RMDN1: variants seen among roughly 807,000 people sequenced by gnomAD.
RMDN1 encodes regulator of microtubule dynamics protein 1.
A neutral mutation model predicts 48.9 loss-of-function variants in RMDN1; 48 were observed. That is an observed-to-expected ratio of 0.98 (90% CI 0.78 to 1.25). RMDN1 has a LOEUF of 1.25. RMDN1 is among the 50% of genes most tolerant of loss of function. The probability of loss-of-function intolerance (pLI) is 0.00; values close to 1 mark genes in which losing one functional copy is unlikely to be tolerated. For missense variants in RMDN1, 418 were observed against 373.4 expected (o/e 1.12, Z -0.98); for synonymous variants, 148 against 132.6 (o/e 1.12, Z -0.80).
chr8:86,486,389 G>C, intron 4 of RMDN1, 95 bp downstream of exon 4: 1 of 867,906 alleles, frequency 1.2e-6, no homozygotes, highest in Non-Finnish European at 1.6e-6. Context: ...ACTTAAAATA[G>C]AGAAATTGTT....
Position 86,473,874 on chromosome 8 carries a change from C to T in RMDN1, c.*434G>A, listed in dbSNP as rs1812922511. 10 of 990,868 alleles carry T rather than the reference C, an allele frequency of 1.0e-5. No individual in the cohort carries two copies. The highest frequency in any genetic ancestry group is 9.2e-5 in the South Asian group (2 of 21,668). 61.4% of individuals were successfully genotyped at this position (990,868 alleles called of 1,614,324 possible). On this transcript the variant is annotated 3_prime_UTR_variant, in exon 10 of 10. Coordinates refer to ENST00000406452, the MANE Select transcript of RMDN1 (RefSeq NM_016033.3). The stretch of plus-strand genomic sequence containing the variant: ...TCATTTAACTACTTTATGTCAGGAA[C>T]CCACAACATCCTAACCACTGTCACC...
intron 7 of RMDN1, 25 bp downstream of exon 7, chr8:86,478,898 A>G: frequency 6.4e-7 from 1 of 1,563,278 alleles, no homozygotes; most frequent in Non-Finnish European, 8.8e-7. Context: ...AATCCGTACT[A>G]ACTTAACAAA....
chr8:86,495,064 C>G (rs1305152272), intron 2 of RMDN1: 1 of 311,160 alleles, frequency 3.2e-6, no homozygotes, highest in Non-Finnish European at 6.3e-6. Flanking sequence ...TGACTAGGCA[C>G]AGCCAGGAAG....
intron 5 of RMDN1, among the ~76,000 whole-genome samples, chr8:86,481,042 T>A (rs1814315916): frequency 6.6e-6 from 1 of 152,172 alleles, no homozygotes; most frequent in African/African-American, 2.4e-5. Flanking sequence ...ACTAAAGAAA[T>A]CTTACAGATT....
At chr8:86,503,983 G>A in intron 2 of RMDN1, 1 of 773,146 alleles carries the variant, frequency 1.3e-6, no homozygotes, top group East Asian at 2.5e-5. Context: ...ACTGTGCACA[G>A]GTTTTATGCC....
At chr8:86,478,831 C>T in intron 7 of RMDN1, 92 bp downstream of exon 7, 1 of 971,892 alleles carries the variant, frequency 1.0e-6, no homozygotes, top group Non-Finnish European at 1.6e-6. Flanking sequence ...TCAAGTCCCT[C>T]ACTGAATCAG....
At position 86,473,659 on chromosome 8, in the gene RMDN1, A is replaced by G. The variant is rs1339556866; in HGVS notation, c.*649T>C. On this transcript the variant is annotated 3_prime_UTR_variant, in exon 10 of 10. Transcript: ENST00000406452. ...TACAACCCTGTAATCCCAGCCACTC[A>G]GGAGGCTAAGGCAGGAGAATCACTT... The G allele has an allele frequency of 2.8e-6, 1 of 358,154 alleles. No individual in the cohort carries two copies. Among genetic ancestry groups the G allele is most frequent in the Non-Finnish European group, 3.9e-6 (1 of 256,602 alleles). The allele number at this position is 358,154 out of a possible 1,614,324, so 22.2% of individuals were successfully genotyped here. A position where few individuals can be genotyped will look rare whatever the true frequency, so the allele number is the denominator to read the frequency against.
intron 1 of RMDN1, among the ~76,000 whole-genome samples, chr8:86,507,685 G>T (rs560531051): frequency 6.8e-6 from 1 of 146,576 alleles, no homozygotes; most frequent in Non-Finnish European, 1.5e-5. Flanking sequence ...GAAAACTTAC[G>T]GCTAACTAGT....
chr8:86,503,105 G>T (rs1022782161), intron 2 of RMDN1, among the ~76,000 whole-genome samples: 3 of 152,080 alleles, frequency 2.0e-5, no homozygotes, highest in Non-Finnish European at 4.4e-5. Flanking sequence ...TGTAATCCCA[G>T]CACTTTGGGA....
At chr8:86,469,914 T>C (rs915318862), downstream of RMDN1, among the ~76,000 whole-genome samples, 7 of 152,210 alleles carry the variant, frequency 4.6e-5, no homozygotes, top group African/African-American at 1.7e-4. Flanking sequence ...TCTTGATCCT[T>C]ACAATTCCAT....
At chr8:86,504,306 G>A (rs1487565607) in intron 2 of RMDN1, 5 of 1,578,958 alleles carry the variant, frequency 3.2e-6, no homozygotes, top group Non-Finnish European at 4.4e-6. Context: ...ACAACCAGGA[G>A]ATGCAAGATG....
At chr8:86,505,369 A>G (rs1487143444) in intron 2 of RMDN1, 1 of 457,132 alleles carries the variant, frequency 2.2e-6, no homozygotes, top group African/African-American at 2.0e-5. Context: ...TTGGGTTCTA[A>G]TATTGCCGCA....
At chr8:86,503,385 A>AAAAAAAAAAAAAAAAAAAAAAAC (rs1554594088) in intron 2 of RMDN1, among the ~76,000 whole-genome samples, 1 of 81,088 alleles carries the variant, frequency 1.2e-5, no homozygotes, top group African/African-American at 6.8e-5. Context: ...AAAAAAAAAA[A>AAAAAAAAAAAAAAAAAAAAAAAC]AAAACAAAAA....
At chr8:86,512,722 A>C (rs200961634), upstream of RMDN1, among the ~76,000 whole-genome samples, 1 of 115,682 alleles carries the variant, frequency 8.6e-6, no homozygotes. Flanking sequence ...AGCAATGCAC[A>C]TAGTGTTTGT....
At chr8:86,489,197 A>G (rs1415972419) in intron 2 of RMDN1, among the ~76,000 whole-genome samples, 1 of 152,200 alleles carries the variant, frequency 6.6e-6, no homozygotes, top group African/African-American at 2.4e-5. Flanking sequence ...CTCTTTATAC[A>G]GAGATGTTGT....
chr8:86,489,332 A>C (rs1816045692), intron 2 of RMDN1, among the ~76,000 whole-genome samples: 1 of 152,182 alleles, frequency 6.6e-6, no homozygotes. Context: ...AAAATACATA[A>C]ACATTATTGA....
In RMDN1 at chr8:86,473,111, A is replaced by T. The variant is rs952930881; in HGVS notation, c.*1197T>A. On this transcript the variant is annotated 3_prime_UTR_variant, in exon 10 of 10. Coordinates refer to ENST00000406452, the MANE Select transcript of RMDN1 (RefSeq NM_016033.3). Reference sequence around the variant, plus strand: ...ACAACCTATATAGCAAAATCACTGAATCTAAGAGATGGGTATACAAAGATC... The same window carrying T: ...ACAACCTATATAGCAAAATCACTGATTCTAAGAGATGGGTATACAAAGATC... 2.0e-6 allele frequency: 2 copies of T among 985,058 alleles called. No individual in the cohort carries two copies. Among genetic ancestry groups the T allele is most frequent in the Admixed American group, 6.1e-5 (1 of 16,268 alleles). The allele number at this position is 985,058 out of a possible 1,614,324, so 61.0% of individuals were successfully genotyped here.
chr8:86,494,410 G>C (rs1816983307), intron 2 of RMDN1, among the ~76,000 whole-genome samples: 1 of 152,062 alleles, frequency 6.6e-6, no homozygotes, highest in Admixed American at 6.5e-5. Context: ...ACAAAAATTA[G>C]CTGGGCATGG....
chr8:86,503,457 C>G (rs967162727), intron 2 of RMDN1: 2 of 203,468 alleles, frequency 9.8e-6, no homozygotes, highest in Admixed American at 5.3e-5. Context: ...TTCCTGAGGA[C>G]CTGGAGAAAA....
Sources: gnomAD v4.1 joint callset for allele counts (sites outside exome capture counted in the v4.1 genomes callset) on GRCh38, gnomAD v4.1.1 for gene constraint, MANE v1.5 for transcripts, NCBI Gene and HGNC (gene_info 2026-07-23, HGNC 2026-07-21) for gene names.